The following DTNA variants were observed in gnomAD, a reference collection of about 807,000 sequenced individuals.
DTNA encodes the protein dystrophin-related protein 3.
A neutral mutation model predicts 100.7 loss-of-function variants in DTNA; 43 were observed. The observed-to-expected ratio is 0.43, with a 90% CI of 0.33 to 0.55. The LOEUF (loss-of-function observed/expected upper bound fraction) is 0.55, where lower values mean the gene tolerates loss of function less well. Among genes scored for constraint, DTNA ranks in the 20% least tolerant of loss-of-function variants. DTNA has a pLI of 0.04. For missense variants in DTNA, 798 were observed against 953.9 expected (o/e 0.84, Z 2.15); for synonymous variants, 349 against 347.9 (o/e 1.00, Z -0.04).
At chr18:34,748,341 G>A (rs972313763) in intron 1 of DTNA, among the ~76,000 whole-genome samples, 3 of 152,008 alleles carry the variant, frequency 2.0e-5, no homozygotes, top group African/African-American at 7.2e-5. Flanking sequence ...TTTTGTTCTT[G>A]TCACATTTGC....
At chr18:34,586,277 G>T (rs1274754479) in intron 1 of DTNA, among the ~76,000 whole-genome samples, 5 of 152,206 alleles carry the variant, frequency 3.3e-5, no homozygotes, top group Non-Finnish European at 5.9e-5. Context: ...TGGTGGTGTT[G>T]GGACGTGGTG....
intron 3 of DTNA, among the ~76,000 whole-genome samples, chr18:34,782,144 T>G (rs1441946834): frequency 6.6e-6 from 1 of 152,232 alleles, no homozygotes; most frequent in Non-Finnish European, 1.5e-5. Context: ...ATCCAGTAGG[T>G]GCCCTACTCT....
chr18:34,761,224 A>G (rs934947852), intron 2 of DTNA, among the ~76,000 whole-genome samples: 2 of 152,044 alleles, frequency 1.3e-5, no homozygotes, highest in Non-Finnish European at 2.9e-5. Context: ...CATAGGCTTC[A>G]TTTTTATTCT....
At chr18:34,782,497 G>A (rs2094363066) in intron 3 of DTNA, among the ~76,000 whole-genome samples, 1 of 152,158 alleles carries the variant, frequency 6.6e-6, no homozygotes, top group African/African-American at 2.4e-5. Flanking sequence ...CAATAGATAT[G>A]TGAAGTGCTC....
At chr18:34,516,298 G>A (rs1487920311) in intron 1 of DTNA, among the ~76,000 whole-genome samples, 23 of 152,094 alleles carry the variant, frequency 1.5e-4, no homozygotes, top group Non-Finnish European at 1.5e-5. Flanking sequence ...GCATCACAGA[G>A]ATCACATGCT....
intron 1 of DTNA, among the ~76,000 whole-genome samples, chr18:34,523,478 A>G (rs1379134118): frequency 6.6e-6 from 1 of 152,196 alleles, no homozygotes; most frequent in Admixed American, 6.6e-5. Flanking sequence ...AAGTGTGCAG[A>G]TTACCTTAGA....
At chr18:34,528,298 G>A (rs531884448) in intron 1 of DTNA, among the ~76,000 whole-genome samples, 1 of 152,016 alleles carries the variant, frequency 6.6e-6, no homozygotes, top group Non-Finnish European at 1.5e-5. Flanking sequence ...TTCATGGCTT[G>A]GAGCTTGTTC....
At chr18:34,877,690 T>G (rs2096832201) in intron 18 of DTNA, 29 bp from the exon 19 acceptor site, 2 of 1,601,460 alleles carry the variant, frequency 1.2e-6, no homozygotes, top group Non-Finnish European at 1.7e-6. Context: ...GAAGCTTTGG[T>G]TTTTTAAATT....
intron 1 of DTNA, among the ~76,000 whole-genome samples, chr18:34,594,718 C>T (rs893526923): frequency 1.4e-4 from 21 of 152,130 alleles, no homozygotes; most frequent in Non-Finnish European, 2.8e-4. Context: ...TTTGATTTTA[C>T]AACTACTGAG....
In DTNA at chr18:34,776,234, A is replaced by T. The variant is rs1261181819; in HGVS notation, c.148+10193A>T. Among the ~76,000 whole-genome samples the T allele has an allele frequency of 3.3e-5, 5 of 152,220 alleles. No individual in the cohort carries two copies. In the East Asian group the frequency reaches 9.6e-4, roughly 29 times the overall value. ...AGGCAGGATCTGGACAAGGAGCAGG[A>T]TAACAAAGGTGGGAGAGAGAAGTCA... is the stretch of plus-strand genomic sequence containing the variant. On this transcript the variant is annotated intron_variant, in intron 3 of 22. Transcript: ENST00000444659.
chr18:34,852,053 T>C (rs1329637782), intron 15 of DTNA, 125 bp downstream of exon 15: 9 of 918,954 alleles, frequency 9.8e-6, no homozygotes, highest in Middle Eastern at 2.1e-4. Context: ...ACATCTACAC[T>C]CAGTGATGCT....
At chr18:34,788,313 C>T (rs2094580939) in intron 3 of DTNA, among the ~76,000 whole-genome samples, 4 of 152,108 alleles carry the variant, frequency 2.6e-5, no homozygotes, top group Admixed American at 2.0e-4. Flanking sequence ...AAACAAAAGG[C>T]TTATGTTACT....
At chr18:34,588,370 C>T (rs2049348986) in intron 1 of DTNA, among the ~76,000 whole-genome samples, 1 of 152,148 alleles carries the variant, frequency 6.6e-6, no homozygotes, top group African/African-American at 2.4e-5. Flanking sequence ...CCCAACCCAG[C>T]TTACAGTCTG....
intron 6 of DTNA, among the ~76,000 whole-genome samples, chr18:34,813,156 A>G (rs2095519302): frequency 6.6e-6 from 1 of 152,146 alleles, no homozygotes; most frequent in Non-Finnish European, 1.5e-5. Context: ...TTTTTTGAGA[A>G]TCCAAACTAA....
intron 1 of DTNA, among the ~76,000 whole-genome samples, chr18:34,606,679 G>A (rs150915982): frequency 1.1e-4 from 16 of 152,242 alleles, no homozygotes; most frequent in Non-Finnish European, 2.2e-4. Flanking sequence ...CCAGAAGAAG[G>A]TGATGCTTAT....
intron 22 of DTNA, among the ~76,000 whole-genome samples, chr18:34,885,261 A>G (rs965834577): frequency 2.6e-5 from 4 of 152,230 alleles, no homozygotes; most frequent in African/African-American, 7.2e-5. Context: ...AGAGAACAAA[A>G]GAGCCCAAAC....
At chr18:34,826,834 AACATTC>A (rs2095869444) in intron 9 of DTNA, among the ~76,000 whole-genome samples, 1 of 152,264 alleles carries the variant, frequency 6.6e-6, no homozygotes, top group South Asian at 2.1e-4. Context: ...CCTGAACTAA[AACATTC>A]ATGATGGGGA....
At position 34,512,141 on chromosome 18, in the gene DTNA, C is replaced by CT. The variant is rs2041154015; in HGVS notation, c.-2+18628dup. 2.0e-5 allele frequency among the ~76,000 whole-genome samples: 3 copies of CT among 151,902 alleles called. No homozygotes were observed. In the South Asian group the frequency reaches 6.2e-4, roughly 32 times the overall value. On this transcript the variant is annotated intron_variant, in intron 1 of 19. Transcript: ENST00000283365. ...TCCCAGAAGTCCCACTGGCTCTAGGCTGTGTGTTTAGGAGACTTTGTTATA... is the reference window on the plus strand; with the variant it reads ...TCCCAGAAGTCCCACTGGCTCTAGGCTTGTGTGTTTAGGAGACTTTGTTATA...
intron 3 of DTNA, among the ~76,000 whole-genome samples, chr18:34,774,372 C>G (rs1310584876): frequency 6.6e-6 from 1 of 152,210 alleles, no homozygotes; most frequent in African/African-American, 2.4e-5. Flanking sequence ...TGTAAGAAAA[C>G]AGAAGTCAGT....
Sources: gnomAD v4.1 joint callset for allele counts (sites outside exome capture counted in the v4.1 genomes callset) on GRCh38, gnomAD v4.1.1 for gene constraint, MANE v1.5 for transcripts, NCBI Gene and HGNC (gene_info 2026-07-23, HGNC 2026-07-21) for gene names.